The following BMPR1A variants were observed in gnomAD, a reference collection of about 807,000 sequenced individuals.
BMPR1A encodes bone morphogenetic protein receptor type 1A.
A neutral mutation model predicts 66.0 loss-of-function variants in BMPR1A; 7 were observed. The ratio of observed to expected loss-of-function variants is 0.11; its 90% confidence interval spans 0.06 to 0.20. The LOEUF (loss-of-function observed/expected upper bound fraction) is 0.20. Ranked by LOEUF, BMPR1A falls within the 10% of genes least tolerant of loss-of-function variation. BMPR1A has a pLI of 1.00. For synonymous variants in BMPR1A, 200 were observed against 229.7 expected (o/e 0.87, Z 1.17); for missense variants, 408 against 669.1 (o/e 0.61, Z 4.31).
In BMPR1A at chr10:86,799,090, A is replaced by G. The variant is rs575922790; in HGVS notation, c.-267-39775A>G. On this transcript the variant is annotated intron_variant, in intron 1 of 12. Coordinates refer to ENST00000372037, the MANE Select transcript of BMPR1A (RefSeq NM_004329.3). ...CAGGGAACATTAGTGAAAATGGAGA[A>G]CTTAAGGAGTTAAAGTTTTAGCTGT... Among the ~76,000 whole-genome samples, 69 of 152,344 alleles carry G rather than the reference A, an allele frequency of 4.5e-4. 1 individual carries two copies. In the South Asian group the frequency reaches 0.014, roughly 31 times the overall value.
At chr10:86,760,850 T>A (rs1841044751) in intron 1 of BMPR1A, among the ~76,000 whole-genome samples, 1 of 152,228 alleles carries the variant, frequency 6.6e-6, no homozygotes, top group South Asian at 2.1e-4. Context: ...ATTGACCAAG[T>A]TGGACCAACT....
intron 2 of BMPR1A, among the ~76,000 whole-genome samples, chr10:86,852,294 A>G (rs755669394): frequency 9.9e-5 from 15 of 152,222 alleles, no homozygotes; most frequent in African/African-American, 3.6e-4. Context: ...TTAAAAACAC[A>G]CTTCTGTAAA....
At chr10:86,876,604 A>C (rs1482622017) in intron 3 of BMPR1A, among the ~76,000 whole-genome samples, 1 of 152,168 alleles carries the variant, frequency 6.6e-6, no homozygotes, top group Non-Finnish European at 1.5e-5. Flanking sequence ...CAACATGGCA[A>C]AACCTCATCT....
chr10:86,763,306 G>A (rs759470821), intron 1 of BMPR1A, among the ~76,000 whole-genome samples: 6 of 152,162 alleles, frequency 3.9e-5, no homozygotes, highest in Non-Finnish European at 8.8e-5. Flanking sequence ...GCAGCGGAAT[G>A]ATTAAGTTTC....
intron 4 of BMPR1A, among the ~76,000 whole-genome samples, chr10:86,891,647 G>A (rs11202249): frequency 0.059 from 9,020 of 152,064 alleles, 635 homozygotes; most frequent in African/African-American, 0.17. Flanking sequence ...TCAGTAAAAG[G>A]TGCCTTTTAG....
intron 2 of BMPR1A, among the ~76,000 whole-genome samples, chr10:86,874,991 A>G (rs1842902564): frequency 6.6e-6 from 1 of 151,414 alleles, no homozygotes; most frequent in South Asian, 2.1e-4. Flanking sequence ...TGGCCTCCCA[A>G]AGTGCTGGGA....
chr10:86,926,795 A>T lies in BMPR1A; in HGVS notation c.*3076A>T, dbSNP rs1843753283. The stretch of plus-strand genomic sequence containing the variant: ...CTTTAAATAATTAAAATATAAAAGC[A>T]AACAACCCAAACTACCTGACTATAA... On this transcript the variant is annotated 3_prime_UTR_variant, in exon 13 of 13. Transcript: ENST00000372037. 1 of 189,452 alleles carries T rather than the reference A, an allele frequency of 5.3e-6. No individual in the cohort carries two copies. Among genetic ancestry groups the T allele is most frequent in the Non-Finnish European group, 1.1e-5 (1 of 90,232 alleles). 11.7% of individuals were successfully genotyped at this position (189,452 alleles called of 1,614,324 possible). A position where few individuals can be genotyped will look rare whatever the true frequency, so the allele number is the denominator to read the frequency against.
chr10:86,805,645 T>C (rs2132896709), intron 1 of BMPR1A, among the ~76,000 whole-genome samples: 2 of 152,118 alleles, frequency 1.3e-5, no homozygotes, highest in Admixed American at 1.3e-4. Flanking sequence ...GTATTTTTAG[T>C]AGAGACGGGG....
chr10:86,886,828 C>CTTTT (rs10572910), intron 3 of BMPR1A, among the ~76,000 whole-genome samples: 1 of 76,692 alleles, frequency 1.3e-5, no homozygotes. Context: ...TATTTTGTCA[C>CTTTT]TTTTTTTTTT....
intron 7 of BMPR1A, among the ~76,000 whole-genome samples, chr10:86,901,194 A>C (rs796529596): frequency 4.6e-5 from 7 of 152,334 alleles, no homozygotes; most frequent in African/African-American, 1.7e-4. Flanking sequence ...CTTGGAAGTG[A>C]CTGCAAGCTC....
downstream of BMPR1A, chr10:86,930,298 T>A (rs1459874255): frequency 1.3e-5 from 2 of 152,316 alleles, no homozygotes; most frequent in African/African-American, 2.4e-5. Flanking sequence ...TTTTTTTTTT[T>A]AGGTGGAGTC....
At chr10:86,850,290 C>A (rs915435915) in intron 2 of BMPR1A, among the ~76,000 whole-genome samples, 4 of 150,746 alleles carry the variant, frequency 2.7e-5, no homozygotes, top group African/African-American at 9.8e-5. Flanking sequence ...CACCGCACTC[C>A]AGCCTGGGTG....
rs1187799763 is a variant in BMPR1A, at chr10:86,925,492, T to G, written c.*1773T>G. The G allele has an allele frequency of 1.4e-5, 3 of 207,786 alleles. No individual in the cohort carries two copies. The East Asian group carries it at 2.2e-4, about 15-fold the overall frequency. 12.9% of individuals were successfully genotyped at this position (207,786 alleles called of 1,614,324 possible). A position where few individuals can be genotyped will look rare whatever the true frequency, so the allele number is the denominator to read the frequency against. ...TGCCTTAACCATTTTGATTAATAAG[T>G]TTCATCTGCCATAATTAAAGTCTGA... On this transcript the variant is annotated 3_prime_UTR_variant, in exon 13 of 13. Transcript: ENST00000372037.
intron 1 of BMPR1A, among the ~76,000 whole-genome samples, chr10:86,829,092 A>G (rs1446178825): frequency 6.6e-6 from 1 of 152,082 alleles, no homozygotes; most frequent in Non-Finnish European, 1.5e-5. Flanking sequence ...CCCTTTCCCA[A>G]CTTCAGACTG....
chr10:86,760,235 TC>T (rs1841025017), intron 1 of BMPR1A, among the ~76,000 whole-genome samples: 39 of 107,766 alleles, frequency 3.6e-4, no homozygotes, highest in Non-Finnish European at 4.1e-4. Flanking sequence ...TTTCTTTCTT[TC>T]TTTCTTTCTT....
intron 2 of BMPR1A, among the ~76,000 whole-genome samples, chr10:86,847,871 CTGTT>C (rs1231257280): frequency 6.6e-6 from 1 of 151,610 alleles, no homozygotes; most frequent in South Asian, 2.1e-4. Flanking sequence ...GGTTATTGGT[CTGTT>C]TGTGTATTCC....
intron 2 of BMPR1A, among the ~76,000 whole-genome samples, chr10:86,863,498 T>TA (rs1469822797): frequency 2.0e-5 from 3 of 152,184 alleles, no homozygotes; most frequent in Non-Finnish European, 4.4e-5. Flanking sequence ...CTCTCTGACC[T>TA]AAAAAATGGA....
At chr10:86,809,595 C>CTTTTTTTTTTTTT (rs71019431) in intron 1 of BMPR1A, among the ~76,000 whole-genome samples, 1 of 123,902 alleles carries the variant, frequency 8.1e-6, no homozygotes, top group African/African-American at 3.2e-5. Flanking sequence ...CACCCGACCT[C>CTTTTTTTTTTTTT]TTTTTTTTTT....
chr10:86,910,838 G>A (rs540522663), intron 7 of BMPR1A, among the ~76,000 whole-genome samples: 78 of 152,136 alleles, frequency 5.1e-4, no homozygotes, highest in African/African-American at 1.7e-3. Flanking sequence ...AGGCACAGTG[G>A]GTCACACCTG....
Sources: allele counts gnomAD v4.1 joint callset (sites outside exome capture counted in the v4.1 genomes callset), GRCh38; gene constraint gnomAD v4.1.1; transcripts MANE v1.5; gene names NCBI Gene and HGNC (gene_info 2026-07-23, HGNC 2026-07-21).